Variants in PCM1 observed in about 807,000 individuals in gnomAD.
The protein encoded by PCM1 is pericentriolar material 1 protein.
Under a neutral mutation model 241.9 loss-of-function variants are expected in PCM1, and 157 were observed. The ratio of observed to expected loss-of-function variants is 0.65; its 90% CI spans 0.57 to 0.74. PCM1 has a LOEUF of 0.74. Among genes scored for constraint, PCM1 ranks in the 30% least tolerant of loss-of-function variants. The pLI, the probability that PCM1 is intolerant of heterozygous loss-of-function variation, is 0.00. For synonymous variants in PCM1, 1,085 were observed against 784.9 expected (o/e 1.38, Z -6.39); for missense variants, 3,478 against 2,360.1 (o/e 1.47, Z -9.81).
At chr8:17,941,637 TTTAA>T (rs1488837316) in intron 6 of PCM1, among the ~76,000 whole-genome samples, 5 of 152,110 alleles carry the variant, frequency 3.3e-5, no homozygotes, top group Admixed American at 1.3e-4. Flanking sequence ...TGCTACACTA[TTTAA>T]TAAAGGAGGA....
Position 17,963,085 on chromosome 8 carries a change from T to A in PCM1, c.2464-16T>A. 1 of 1,576,532 alleles carries A rather than the reference T, an allele frequency of 6.3e-7. No homozygotes were observed. The highest frequency in any genetic ancestry group is 8.6e-7 in the Non-Finnish European group (1 of 1,158,662). ...ATCCAAATATTTATTTAACTCTGGT[T>A]TCTTAAAAAAAATAGTTGTGGTCAG... On this transcript the variant is annotated splice_polypyrimidine_tract_variant and intron_variant, in intron 16 of 38. Transcript: ENST00000325083.
chr8:17,988,696 G>C (rs903823175), intron 26 of PCM1, among the ~76,000 whole-genome samples: 1 of 151,900 alleles, frequency 6.6e-6, no homozygotes, highest in African/African-American at 2.4e-5. Context: ...AACTGGGCAA[G>C]AGATTTGAAC....
Position 17,964,630 on chromosome 8 carries a change from G to C in PCM1, c.2717G>C (p.Gly906Ala). 6.2e-7 allele frequency: 1 copy of C among 1,613,922 alleles called. No homozygotes were observed. Among genetic ancestry groups the C allele is most frequent in the Non-Finnish European group, 8.5e-7 (1 of 1,179,858 alleles). ...CTAGATGAAGAAGGAGATGAAGACG[G>C]TTACCTTTCTGAAGGAATTGTTCGG... ...CALDEEGDED[G>A]YLSEGIVRTD... is the part of the protein sequence containing the mutation. The change falls in exon 18 of 39, where the codon GGT (glycine) becomes GCT (alanine). Residue 906 changes from glycine (G) to alanine (A), a missense_variant. By Grantham distance (60) the Gly-to-Ala change is moderately conservative (BLOSUM62 0). Transcript: ENST00000325083.
chr8:17,925,847 A>C (rs982454901), intron 2 of PCM1: 7 of 152,250 alleles, frequency 4.6e-5, no homozygotes, highest in Non-Finnish European at 1.0e-4. Context: ...AAAAAAAAAG[A>C]AACTTTTGTA....
intron 18 of PCM1, 48 bp downstream of exon 18, chr8:17,964,816 C>A (rs773434602): frequency 7.1e-7 from 1 of 1,409,754 alleles, no homozygotes; most frequent in Non-Finnish European, 1.0e-6. Context: ...AGGCTCAGGT[C>A]TTTTTGACTG....
chr8:17,938,254 G>A (rs1168407580), intron 4 of PCM1, among the ~76,000 whole-genome samples: 3 of 151,924 alleles, frequency 2.0e-5, no homozygotes, highest in Admixed American at 6.6e-5. Context: ...CAGTGAAAAC[G>A]CGTCAAAACT....
intron 26 of PCM1, among the ~76,000 whole-genome samples, chr8:17,988,006 T>C (rs1350631963): frequency 2.0e-5 from 3 of 151,744 alleles, no homozygotes; most frequent in Admixed American, 6.6e-5. Flanking sequence ...GTGTAAGAGA[T>C]ACCTCTCTTG....
chr8:17,931,420 C>T (rs2058987458), intron 2 of PCM1, among the ~76,000 whole-genome samples: 1 of 152,028 alleles, frequency 6.6e-6, no homozygotes, highest in Admixed American at 6.6e-5. Flanking sequence ...TCCTGAGTAA[C>T]TAGGACTACA....
rs182366831 is a variant in PCM1 at position 18,000,488 on chromosome 8, T to A, written c.4828-5775T>A. Reference sequence around the variant, plus strand: ...GTGATAAAGAAATACGTAATTGGGATATAGTTAGGAAATCAGTAGGTCCTA... The same window carrying A: ...GTGATAAAGAAATACGTAATTGGGAAATAGTTAGGAAATCAGTAGGTCCTA... On this transcript the variant is annotated intron_variant, in intron 29 of 38. Transcript: ENST00000325083. Among the ~76,000 whole-genome samples, 4 of 152,080 alleles carry A rather than the reference T, an allele frequency of 2.6e-5. No individual in the cohort carries two copies. In the East Asian group the frequency reaches 7.7e-4, roughly 29 times the overall value.
Position 17,953,079 on chromosome 8 carries a change from T to G in PCM1, c.1181T>G (p.Val394Gly). The change falls in exon 9 of 39, where the codon GTC becomes GGC. Residue 394 changes from valine (V) to glycine (G), a missense_variant. Coordinates refer to ENST00000325083, the MANE Select transcript of PCM1 (RefSeq NM_006197.4). ...TCAGAACGTTTACCTGATGAGAAAG[T>G]CGAACTTTTTAGCAAAATGAGAGTG... is the stretch of plus-strand genomic sequence containing the variant. Reference protein sequence around the residue: ...SASERLPDEKVELFSKMRVLQ... With the variant: ...SASERLPDEKGELFSKMRVLQ... The G allele has an allele frequency of 6.2e-7, 1 of 1,604,716 alleles. No individual in the cohort carries two copies. The highest frequency in any genetic ancestry group is 8.5e-7 in the Non-Finnish European group (1 of 1,175,086).
rs561283056 is a variant in PCM1 at position 17,974,864 on chromosome 8, C to G, written c.3943+2177C>G. 9.9e-3 allele frequency among the ~76,000 whole-genome samples: 1,442 copies of G among 145,468 alleles called. 21 individuals carry two copies. The highest frequency in any genetic ancestry group is 0.036 in the African/African-American group (1,304 of 35,800). On this transcript the variant is annotated intron_variant, in intron 23 of 38. Transcript: ENST00000325083. Reference sequence around the variant, plus strand: ...TGAGTGCCCCACTTTAAGGCACACACACACACACACACACACACACACACA... The same window carrying G: ...TGAGTGCCCCACTTTAAGGCACACAGACACACACACACACACACACACACA...
chr8:17,974,856 G>GGC (rs1395665911), intron 23 of PCM1, among the ~76,000 whole-genome samples: 278 of 115,760 alleles, frequency 2.4e-3, no homozygotes, highest in African/African-American at 5.2e-3. Flanking sequence ...CCCACTTTAA[G>GGC]GCACACACAC....
rs972531525 is a variant in PCM1 at position 18,027,726 on chromosome 8, T to A, written c.*64T>A. The stretch of plus-strand genomic sequence containing the variant: ...CTCAATGCATATATGAAAACAATAC[T>A]AAATAAACATCTGATCTGTATAAAA... On this transcript the variant is annotated 3_prime_UTR_variant, in exon 39 of 39. Coordinates refer to ENST00000325083, the MANE Select transcript of PCM1 (RefSeq NM_006197.4). 18 of 1,151,274 alleles carry A rather than the reference T, an allele frequency of 1.6e-5. No homozygotes were observed. The highest frequency in any genetic ancestry group is 2.3e-5 in the Non-Finnish European group (18 of 786,876). 71.3% of individuals were successfully genotyped at this position (1,151,274 alleles called of 1,614,324 possible). A position where few individuals can be genotyped will look rare whatever the true frequency, so the allele number is the denominator to read the frequency against.
intron 30 of PCM1, among the ~76,000 whole-genome samples, chr8:18,007,357 C>G (rs2091615135): frequency 1.3e-5 from 2 of 152,090 alleles, no homozygotes; most frequent in South Asian, 2.1e-4. Flanking sequence ...AGTATTAGGA[C>G]TAAAGGACAA....
chr8:17,994,082 AAAT>A (rs767157931), intron 29 of PCM1, among the ~76,000 whole-genome samples: 2 of 152,182 alleles, frequency 1.3e-5, no homozygotes, highest in East Asian at 1.9e-4. Context: ...ATGTATAATT[AAAT>A]TATTGACTGT....
intron 34 of PCM1, among the ~76,000 whole-genome samples, chr8:18,013,575 T>TA (rs1463655097): frequency 6.6e-6 from 1 of 152,208 alleles, no homozygotes; most frequent in Non-Finnish European, 1.5e-5. Context: ...ATCTGTTACT[T>TA]ACAGTTATGA....
chr8:17,989,978 A>G lies in PCM1; in HGVS notation c.4530A>G (p.Leu1510=). Reference sequence around the variant, plus strand: ...TTGAGCCTTTTGCAACAGATGATCTAGGTAAGCAGAATTGTTTATAATCTT... The same window carrying G: ...TTGAGCCTTTTGCAACAGATGATCTGGGTAAGCAGAATTGTTTATAATCTT... ...SNFEPFATDD[L]GNTVIHLDQA... is the part of the protein sequence containing the mutation. Residue 1510 remains leucine, a splice_region_variant and synonymous_variant, in exon 27 of 39, where the codon CTA becomes CTG. Coordinates refer to ENST00000325083, the MANE Select transcript of PCM1 (RefSeq NM_006197.4). 1 of 1,526,686 alleles carries G rather than the reference A, an allele frequency of 6.6e-7. No homozygotes were observed. Among genetic ancestry groups the G allele is most frequent in the South Asian group, 1.3e-5 (1 of 77,862 alleles). The allele number at this position is 1,526,686 out of a possible 1,614,324, so 94.6% of individuals were successfully genotyped here.
At chr8:17,962,531 C>G (rs1176358985) in intron 16 of PCM1, among the ~76,000 whole-genome samples, 2 of 152,096 alleles carry the variant, frequency 1.3e-5, no homozygotes, top group African/African-American at 2.4e-5. Context: ...TATCCTTTGA[C>G]ATTTTATTTA....
chr8:17,946,320 C>A (rs190119053), intron 6 of PCM1, among the ~76,000 whole-genome samples: 1 of 151,946 alleles, frequency 6.6e-6, no homozygotes, highest in East Asian at 1.9e-4. Context: ...ATATAAAATT[C>A]GTTATTTTCT....
Sources: gnomAD v4.1 joint callset for allele counts (sites outside exome capture counted in the v4.1 genomes callset) on GRCh38, gnomAD v4.1.1 for gene constraint, MANE v1.5 for transcripts, NCBI Gene and HGNC (gene_info 2026-07-23, HGNC 2026-07-21) for gene names.